Variants in CELF2 observed in about 807,000 individuals in gnomAD.
The protein encoded by CELF2 is CUGBP Elav-like family member 2.
In CELF2, 8 loss-of-function variants were observed where a neutral mutation model predicts 62.6. The observed-to-expected ratio is 0.13, with a 90% confidence interval of 0.07 to 0.23. The LOEUF is 0.23. CELF2 is among the 10% of genes least tolerant of loss of function. CELF2 has a pLI of 1.00. For missense variants in CELF2, 333 were observed against 671.0 expected (o/e 0.50, Z 5.56); for synonymous variants, 258 against 250.0 (o/e 1.03, Z -0.30).
At chr10:10,636,203 T>A in the CELF2 span, among the ~76,000 whole-genome samples, 3 of 152,226 alleles carry the variant, frequency 2.0e-5, no homozygotes, top group Admixed American at 1.3e-4. Context: ...ATTCTCTGCA[T>A]GATCAAAACA....
At chr10:11,198,767 T>C (rs1002736347) in intron 2 of CELF2, among the ~76,000 whole-genome samples, 1 of 152,340 alleles carries the variant, frequency 6.6e-6, no homozygotes, top group East Asian at 1.9e-4. Context: ...AAAAGCGTTG[T>C]AGATTTTTTT....
the CELF2 span, among the ~76,000 whole-genome samples, chr10:10,574,920 G>C: frequency 7.7e-6 from 1 of 130,422 alleles, no homozygotes; most frequent in Admixed American, 9.2e-5. Context: ...GTTTCACCAT[G>C]TTGGCCAGGC....
chr10:11,151,702 C>T (rs993710530), intron 1 of CELF2, among the ~76,000 whole-genome samples: 3 of 151,942 alleles, frequency 2.0e-5, no homozygotes, highest in Non-Finnish European at 4.4e-5. Context: ...TTTTCTGGAC[C>T]AAACCCTAAC....
the CELF2 span, among the ~76,000 whole-genome samples, chr10:10,698,086 G>A: frequency 6.6e-6 from 1 of 152,206 alleles, no homozygotes; most frequent in East Asian, 1.9e-4. Context: ...ATCAATTGGG[G>A]GGTGGGGCAC....
At chr10:11,139,782 A>G (rs61832281) in intron 1 of CELF2, among the ~76,000 whole-genome samples, 7,846 of 151,428 alleles carry the variant, frequency 0.052, 277 homozygotes, top group Non-Finnish European at 0.077. Context: ...ACAAATACCT[A>G]TTCTTTACCT....
At chr10:10,648,224 T>C in the CELF2 span, among the ~76,000 whole-genome samples, 1 of 152,204 alleles carries the variant, frequency 6.6e-6, no homozygotes, top group Non-Finnish European at 1.5e-5. Context: ...CTCTTGGATG[T>C]GGTCTCTTCT....
chr10:10,515,945 C>T, the CELF2 span, among the ~76,000 whole-genome samples: 69 of 152,190 alleles, frequency 4.5e-4, no homozygotes, highest in African/African-American at 1.6e-3. Context: ...AATAATGGTG[C>T]GTTTAAAATC....
intron 1 of CELF2, among the ~76,000 whole-genome samples, chr10:11,042,416 C>A (rs1463848665): frequency 6.6e-6 from 1 of 152,200 alleles, no homozygotes; most frequent in Non-Finnish European, 1.5e-5. Context: ...ACTTTGAAGA[C>A]TCACATTGAT....
the CELF2 span, among the ~76,000 whole-genome samples, chr10:10,524,136 C>G: frequency 1.3e-5 from 2 of 151,608 alleles, no homozygotes; most frequent in African/African-American, 4.9e-5. Flanking sequence ...ACAGGTGGTA[C>G]CTAAAATAAT....
At chr10:10,815,001 T>A (rs781368110) in intron 1 of CELF2, among the ~76,000 whole-genome samples, 9 of 152,214 alleles carry the variant, frequency 5.9e-5, no homozygotes, top group Non-Finnish European at 1.3e-4. Context: ...CAATTGCCCT[T>A]CAATTACTAA....
At chr10:10,760,182 A>T in the CELF2 span, among the ~76,000 whole-genome samples, 15 of 152,078 alleles carry the variant, frequency 9.9e-5, no homozygotes, top group Non-Finnish European at 2.1e-4. Flanking sequence ...GGGATTATAG[A>T]CGTGAGCCAC....
chr10:11,275,029 C>T (rs1339014833), intron 7 of CELF2, 28 bp from the exon 8 acceptor site: 2 of 1,611,118 alleles, frequency 1.2e-6, no homozygotes, highest in South Asian at 2.2e-5. Context: ...TCACCGTCTC[C>T]ACTTTGCCCT....
chr10:10,828,021 A>AAAC (rs1280390839), intron 1 of CELF2, among the ~76,000 whole-genome samples: 13 of 150,940 alleles, frequency 8.6e-5, no homozygotes, highest in Non-Finnish European at 1.6e-4. Context: ...AAAAAAAAAA[A>AAAC]AAAGCAGAAA....
rs76675780 is a variant in CELF2 at position 11,194,022 on chromosome 10, A to G, written c.272-23403A>G. On this transcript the variant is annotated intron_variant, in intron 2 of 12. Coordinates refer to ENST00000633077, the MANE Select transcript of CELF2 (RefSeq NM_001326342.2). ...TGAAACTCTCATTTTGGTGCGTTTC[A>G]TGTTTTAGAATTTTTCACAGTATTT... 1.5e-3 allele frequency among the ~76,000 whole-genome samples: 223 copies of G among 152,208 alleles called. 2 individuals carry two copies. The highest frequency in any genetic ancestry group is 5.0e-3 in the African/African-American group (206 of 41,540).
intron 1 of CELF2, among the ~76,000 whole-genome samples, chr10:10,842,883 A>G (rs1307821357): frequency 2.0e-5 from 3 of 152,124 alleles, no homozygotes; most frequent in East Asian, 3.9e-4. Flanking sequence ...TCTTTAGTAA[A>G]TTGTTGGTGG....
At chr10:11,322,416 A>T (rs2095489425) in intron 11 of CELF2, among the ~76,000 whole-genome samples, 1 of 152,240 alleles carries the variant, frequency 6.6e-6, no homozygotes. Flanking sequence ...CCAAATAAGG[A>T]TCACTGGTCA....
intron 1 of CELF2, among the ~76,000 whole-genome samples, chr10:11,043,266 A>G (rs1172271698): frequency 6.6e-6 from 1 of 152,258 alleles, no homozygotes; most frequent in Non-Finnish European, 1.5e-5. Flanking sequence ...GGTATTAGGC[A>G]GGGCCAGGGC....
the CELF2 span, among the ~76,000 whole-genome samples, chr10:10,658,944 G>A: frequency 1.3e-5 from 2 of 152,184 alleles, no homozygotes; most frequent in Admixed American, 1.3e-4. Flanking sequence ...TTGGTTTGAA[G>A]GGCATTTGTA....
In CELF2 at chr10:10,997,106, T is replaced by A. The variant is rs139074102; in HGVS notation, c.89+77107T>A. Among the ~76,000 whole-genome samples, 19 of 152,304 alleles carry A rather than the reference T, an allele frequency of 1.2e-4. No homozygotes were observed. In the East Asian group the frequency reaches 3.5e-3, roughly 28 times the overall value. On this transcript the variant is annotated intron_variant, in intron 2 of 13. Transcript: ENST00000636488. This position sits in a 1 kb window ranked among gnomAD's most constrained non-coding sequence, Gnocchi z 5.3. ...TCTCTACAGCTGCTGCCTGGCAACA[T>A]GGAATAGTGATGCCCATCCCTTCCA...
Sources: allele counts gnomAD v4.1 joint callset (sites outside exome capture counted in the v4.1 genomes callset), GRCh38; gene constraint gnomAD v4.1.1; non-coding constraint Gnocchi (gnomAD v3.1); transcripts MANE v1.5; gene names NCBI Gene and HGNC (gene_info 2026-07-23, HGNC 2026-07-21).